The following ZBTB20 variants were observed in gnomAD, a reference collection of about 807,000 sequenced individuals.
ZBTB20 encodes the protein zinc finger and BTB domain-containing protein 20.
Under a neutral mutation model 56.9 loss-of-function variants are expected in ZBTB20, and 9 were observed. The ratio of observed to expected loss-of-function variants is 0.16; its 90% CI spans 0.10 to 0.28. The LOEUF is 0.28. ZBTB20 is among the 10% of genes least tolerant of loss of function. ZBTB20 has a pLI of 1.00. For synonymous variants in ZBTB20, 417 were observed against 420.7 expected, an observed-to-expected ratio of 0.99 and a Z score of 0.11; for missense variants, 655 against 1,003.0, an observed-to-expected ratio of 0.65 and a Z score of 4.69.
chr3:114,641,461 A>G (rs2059554968), intron 6 of ZBTB20, among the ~76,000 whole-genome samples: 1 of 151,734 alleles, frequency 6.6e-6, no homozygotes, highest in Admixed American at 6.6e-5. Context: ...TCTTATATAG[A>G]TATAAGAATA....
At chr3:114,507,852 A>G (rs1190097748) in intron 6 of ZBTB20, among the ~76,000 whole-genome samples, 1 of 152,164 alleles carries the variant, frequency 6.6e-6, no homozygotes, top group Non-Finnish European at 1.5e-5. Context: ...AGCAATACAG[A>G]TAGTTGATAA....
intron 7 of ZBTB20, among the ~76,000 whole-genome samples, chr3:114,475,816 A>G (rs2040688349): frequency 6.6e-6 from 1 of 152,208 alleles, no homozygotes; most frequent in African/African-American, 2.4e-5. Flanking sequence ...CCTCATCAAT[A>G]GAAACAAATT....
intron 4 of ZBTB20, among the ~76,000 whole-genome samples, chr3:114,872,015 C>A (rs2076030893): frequency 6.6e-6 from 1 of 152,068 alleles, no homozygotes; most frequent in Non-Finnish European, 1.5e-5. Context: ...TTTACTTTCA[C>A]TTCCCGCCAG....
At chr3:114,460,142 T>C (rs2092258625) in intron 7 of ZBTB20, among the ~76,000 whole-genome samples, 1 of 152,180 alleles carries the variant, frequency 6.6e-6, no homozygotes, top group Non-Finnish European at 1.5e-5. Flanking sequence ...CTTTGAAAGA[T>C]GGCTTTTATA....
At chr3:114,523,603 C>A (rs1165874924) in intron 6 of ZBTB20, among the ~76,000 whole-genome samples, 1 of 152,086 alleles carries the variant, frequency 6.6e-6, no homozygotes, top group Non-Finnish European at 1.5e-5. Flanking sequence ...TTCTAAGGCA[C>A]AATGAGGGAT....
At chr3:114,517,820 C>T (rs967765032) in intron 6 of ZBTB20, among the ~76,000 whole-genome samples, 5 of 151,896 alleles carry the variant, frequency 3.3e-5, no homozygotes, top group Admixed American at 1.3e-4. Context: ...ATGATCCACC[C>T]GCCTCGGCCT....
chr3:114,621,891 A>G (rs2058348569), intron 6 of ZBTB20, among the ~76,000 whole-genome samples: 1 of 152,220 alleles, frequency 6.6e-6, no homozygotes, highest in South Asian at 2.1e-4. Flanking sequence ...CACTAATCAA[A>G]TTCTGACTTC....
Position 114,856,938 on chromosome 3 carries a change from G to A in ZBTB20, c.-417+43366C>T, listed in dbSNP as rs576787279. 7.2e-5 allele frequency among the ~76,000 whole-genome samples: 11 copies of A among 152,232 alleles called. No individual in the cohort carries two copies. In the South Asian group the frequency reaches 1.7e-3, roughly 23 times the overall value. The stretch of plus-strand genomic sequence containing the variant: ...AATAGAAGAGGAGGAAGAAAAGGCC[G>A]TGCTGTCATGATAGGGCTGTAATAT... On this transcript the variant is annotated intron_variant, in intron 4 of 11. Coordinates refer to ENST00000675478, the MANE Select transcript of ZBTB20 (RefSeq NM_001348800.3).
chr3:114,988,897 T>G (rs1560467028), intron 2 of ZBTB20, among the ~76,000 whole-genome samples: 1 of 152,240 alleles, frequency 6.6e-6, no homozygotes. Flanking sequence ...CATAAATGTC[T>G]TCTTTTGAGA....
At chr3:115,140,505 C>T (rs1204241361) in intron 1 of ZBTB20, among the ~76,000 whole-genome samples, 1 of 151,796 alleles carries the variant, frequency 6.6e-6, no homozygotes, top group African/African-American at 2.4e-5. Context: ...TAAAGGAAGC[C>T]TGAGATTTAC....
At chr3:114,599,673 GCA>G (rs1262000411) in intron 6 of ZBTB20, among the ~76,000 whole-genome samples, 1 of 151,884 alleles carries the variant, frequency 6.6e-6, no homozygotes, top group Non-Finnish European at 1.5e-5. Flanking sequence ...TACATTATTT[GCA>G]TTTAATTCCA....
At chr3:114,933,719 A>C (rs764851109) in intron 3 of ZBTB20, among the ~76,000 whole-genome samples, 2 of 152,176 alleles carry the variant, frequency 1.3e-5, no homozygotes, top group African/African-American at 4.8e-5. Context: ...ACAGATTATA[A>C]CCACTACACA....
chr3:114,335,809 C>G lies in ZBTB20; in HGVS notation c.*3196G>C, dbSNP rs1277042784. ...TTTAGGGATCCTCCACCTCCTCCCC[C>G]ACTCCCTTTTTTTTAAGAGACACTT... On this transcript the variant is annotated 3_prime_UTR_variant, in exon 12 of 12. Coordinates refer to ENST00000675478, the MANE Select transcript of ZBTB20 (RefSeq NM_001348800.3). The G allele has an allele frequency of 1.3e-5, 2 of 152,162 alleles. No individual in the cohort carries two copies. Among genetic ancestry groups the G allele is most frequent in the Non-Finnish European group, 2.9e-5 (2 of 68,026 alleles). The allele number at this position is 152,162 out of a possible 1,614,324, so 9.4% of individuals were successfully genotyped here.
At chr3:114,686,801 C>T (rs997930124) in intron 6 of ZBTB20, among the ~76,000 whole-genome samples, 2 of 152,076 alleles carry the variant, frequency 1.3e-5, no homozygotes, top group Non-Finnish European at 2.9e-5. Flanking sequence ...TGAAGTTCTC[C>T]ATAAAGGCTA....
intron 4 of ZBTB20, among the ~76,000 whole-genome samples, chr3:114,896,656 A>C (rs528419999): frequency 6.6e-6 from 1 of 152,098 alleles, no homozygotes; most frequent in Non-Finnish European, 1.5e-5. Context: ...TAGTTTTACA[A>C]CATGAAAGTG....
At chr3:114,983,165 A>G (rs1277198277) in intron 2 of ZBTB20, among the ~76,000 whole-genome samples, 2 of 152,032 alleles carry the variant, frequency 1.3e-5, no homozygotes, top group African/African-American at 2.4e-5. Context: ...AAATAAATAT[A>G]CATTGTTTCA....
chr3:115,002,278 G>A (rs1475605210), intron 2 of ZBTB20, among the ~76,000 whole-genome samples: 1 of 151,458 alleles, frequency 6.6e-6, no homozygotes, highest in Non-Finnish European at 1.5e-5. Flanking sequence ...ACTTTTAGAA[G>A]ATAAATAGGA....
At chr3:115,143,509 C>T (rs929305947) in intron 1 of ZBTB20, among the ~76,000 whole-genome samples, 4 of 151,888 alleles carry the variant, frequency 2.6e-5, no homozygotes, top group African/African-American at 9.7e-5. Context: ...TCTCAAAAAA[C>T]GAAAAAGAAA....
chr3:115,035,572 AAAC>A (rs1366383104), intron 2 of ZBTB20, among the ~76,000 whole-genome samples: 1 of 140,076 alleles, frequency 7.1e-6, no homozygotes, highest in African/African-American at 3.2e-5. Context: ...CACACACACA[AAAC>A]AAGTTTTAGT....
Sources: gnomAD v4.1 joint callset for allele counts (sites outside exome capture counted in the v4.1 genomes callset) on GRCh38, gnomAD v4.1.1 for gene constraint, MANE v1.5 for transcripts, NCBI Gene and HGNC (gene_info 2026-07-23, HGNC 2026-07-21) for gene names.